MTUS2: variants seen among roughly 807,000 people sequenced by gnomAD.
MTUS2 encodes microtubule associated scaffold protein 2.
MTUS2 carries 40 observed loss-of-function variants against 114.1 expected under a neutral mutation model. The observed-to-expected ratio is 0.35, with a 90% confidence interval of 0.27 to 0.46. The LOEUF is 0.46. MTUS2 is among the 20% of genes least tolerant of loss of function. The pLI is 1.00. For synonymous variants in MTUS2, 688 were observed against 672.0 expected, an observed-to-expected ratio of 1.02 and a Z score of -0.37; for missense variants, 1,679 against 1,705.4, an observed-to-expected ratio of 0.98 and a Z score of 0.27.
chr13:29,163,996 C>T (rs1478280168), intron 5 of MTUS2, among the ~76,000 whole-genome samples: 4 of 152,152 alleles, frequency 2.6e-5, no homozygotes, highest in African/African-American at 7.2e-5. Context: ...CTCTGCTACA[C>T]GCCCTTTCTT....
chr13:29,490,577 T>A (rs940318685), intron 11 of MTUS2, among the ~76,000 whole-genome samples: 1 of 152,280 alleles, frequency 6.6e-6, no homozygotes, highest in Admixed American at 6.5e-5. Context: ...AATGACACTT[T>A]TCACGGAACA....
In MTUS2 at chr13:29,281,877, T is replaced by G; in HGVS notation, c.2806+12T>G. 1 of 1,570,292 alleles carries G rather than the reference T, an allele frequency of 6.4e-7. No homozygotes were observed. On this transcript the variant is annotated intron_variant, in intron 6 of 15. Transcript: ENST00000612955. Reference sequence around the variant, plus strand: ...TTCCACACCCGCTGGTAAGACTTTGTGCCTTGGAGAGGCTCCATGGTGGAG... The same window carrying G: ...TTCCACACCCGCTGGTAAGACTTTGGGCCTTGGAGAGGCTCCATGGTGGAG...
chr13:29,280,659 G>A lies in MTUS2; in HGVS notation c.2645-1045G>A, dbSNP rs1056586969. Among the ~76,000 whole-genome samples the A allele has an allele frequency of 3.3e-5, 5 of 152,090 alleles. No individual in the cohort carries two copies. The South Asian group carries it at 8.3e-4, about 25-fold the overall frequency. On this transcript the variant is annotated intron_variant, in intron 5 of 15. Transcript: ENST00000612955. ...AAATTTAATCCTTTACTAAAATATTGTATACTTCTTCCAGCTGTCATGGCT... is the reference window on the plus strand; with the variant it reads ...AAATTTAATCCTTTACTAAAATATTATATACTTCTTCCAGCTGTCATGGCT...
intron 5 of MTUS2, among the ~76,000 whole-genome samples, chr13:29,186,357 A>G (rs1350428067): frequency 1.3e-5 from 2 of 152,244 alleles, no homozygotes; most frequent in Non-Finnish European, 2.9e-5. Flanking sequence ...ATCCAACTGT[A>G]TGCTATCTAT....
At chr13:29,479,727 T>G (rs1369709957) in intron 9 of MTUS2, among the ~76,000 whole-genome samples, 1 of 152,220 alleles carries the variant, frequency 6.6e-6, no homozygotes, top group East Asian at 1.9e-4. Context: ...TTGCTAAAAG[T>G]TGAGATCCTG....
intron 7 of MTUS2, among the ~76,000 whole-genome samples, chr13:29,342,920 G>C (rs1322952851): frequency 6.6e-6 from 1 of 152,028 alleles, no homozygotes; most frequent in Non-Finnish European, 1.5e-5. Flanking sequence ...AGATGATCAT[G>C]TTATTTTTGT....
intron 7 of MTUS2, among the ~76,000 whole-genome samples, chr13:29,346,369 G>A (rs979690544): frequency 4.6e-5 from 7 of 152,116 alleles, no homozygotes; most frequent in African/African-American, 1.4e-4. Flanking sequence ...TTGGTAGAGG[G>A]GGCTTCCTGT....
At chr13:29,348,137 A>G (rs980250952) in intron 7 of MTUS2, among the ~76,000 whole-genome samples, 3 of 152,168 alleles carry the variant, frequency 2.0e-5, no homozygotes, top group Admixed American at 2.0e-4. Context: ...AAGGGGAGAG[A>G]GGCAGCTGAA....
At chr13:29,458,377 C>G (rs1879261512) in intron 9 of MTUS2, among the ~76,000 whole-genome samples, 2 of 152,324 alleles carry the variant, frequency 1.3e-5, no homozygotes, top group South Asian at 4.1e-4. Flanking sequence ...TTTTGAATGT[C>G]TGTTCCGCAT....
chr13:29,040,909 C>T (rs1054446444), intron 4 of MTUS2, among the ~76,000 whole-genome samples: 7 of 152,126 alleles, frequency 4.6e-5, no homozygotes, highest in African/African-American at 1.4e-4. Flanking sequence ...TGTGGGTTGT[C>T]TGTTTACTCT....
intron 8 of MTUS2, among the ~76,000 whole-genome samples, chr13:29,375,537 ACGTGT>A (rs1377560974): frequency 0.37 from 22,537 of 61,560 alleles, 7,841 homozygotes; most frequent in East Asian, 0.53. Flanking sequence ...ATATATATAT[ACGTGT>A]ATATATATAT....
intron 5 of MTUS2, among the ~76,000 whole-genome samples, chr13:29,121,955 C>T (rs528411648): frequency 1.6e-3 from 244 of 152,224 alleles, no homozygotes; most frequent in Non-Finnish European, 2.8e-3. Flanking sequence ...CCACCACACC[C>T]GGCCCACTTT....
At chr13:29,041,034 G>A (rs530256900) in intron 4 of MTUS2, among the ~76,000 whole-genome samples, 2 of 152,120 alleles carry the variant, frequency 1.3e-5, no homozygotes, top group East Asian at 3.9e-4. Flanking sequence ...CCTTGCCTAC[G>A]ATAATGTCTA....
chr13:29,492,362 G>C (rs994803409), intron 11 of MTUS2, among the ~76,000 whole-genome samples: 1 of 151,766 alleles, frequency 6.6e-6, no homozygotes, highest in South Asian at 2.1e-4. Flanking sequence ...TGATGTTTGC[G>C]TGTGTGTGTA....
At chr13:28,822,829 C>T (rs1014287651) in intron 1 of MTUS2, among the ~76,000 whole-genome samples, 1 of 152,120 alleles carries the variant, frequency 6.6e-6, no homozygotes, top group African/African-American at 2.4e-5. Flanking sequence ...ATTGCCTATT[C>T]TTAGTTTAAT....
chr13:28,921,160 C>A (rs1003632138), intron 2 of MTUS2, among the ~76,000 whole-genome samples: 10 of 152,188 alleles, frequency 6.6e-5, no homozygotes, highest in African/African-American at 2.2e-4. Context: ...CTTGGTTACA[C>A]CTGAAGCCAG....
chr13:28,831,891 A>G (rs553304194), intron 1 of MTUS2, among the ~76,000 whole-genome samples: 29 of 151,448 alleles, frequency 1.9e-4, no homozygotes, highest in African/African-American at 7.0e-4. Context: ...CAAGTAGCTG[A>G]GACTACAGGT....
intron 14 of MTUS2, among the ~76,000 whole-genome samples, chr13:29,499,158 CACAA>C (rs1882734907): frequency 6.6e-6 from 1 of 152,208 alleles, no homozygotes. Flanking sequence ...TTTGGGGGGA[CACAA>C]ACATTCAGTC....
At chr13:29,282,822 A>G (rs975911055) in intron 6 of MTUS2, among the ~76,000 whole-genome samples, 2 of 152,118 alleles carry the variant, frequency 1.3e-5, no homozygotes, top group Admixed American at 6.6e-5. Context: ...ATTTTTCTAC[A>G]TGTTGCTTTC....
Sources: gnomAD v4.1 joint callset for allele counts (sites outside exome capture counted in the v4.1 genomes callset) on GRCh38, gnomAD v4.1.1 for gene constraint, MANE v1.5 for transcripts, NCBI Gene and HGNC (gene_info 2026-07-23, HGNC 2026-07-21) for gene names.